Variants in DIAPH3 observed in about 807,000 individuals in gnomAD.
The protein encoded by DIAPH3 is protein diaphanous homolog 3.
A neutral mutation model predicts 144.3 loss-of-function variants in DIAPH3; 117 were observed. The ratio of observed to expected loss-of-function variants is 0.81; its 90% CI spans 0.70 to 0.95. The LOEUF is 0.95. DIAPH3 is among the 40% of genes least tolerant of loss of function. DIAPH3 has a pLI of 0.00. For synonymous variants in DIAPH3, 519 were observed against 488.9 expected (o/e 1.06, Z -0.81); for missense variants, 1,421 against 1,412.7 (o/e 1.01, Z -0.09).
Position 59,724,752 on chromosome 13 carries a change from T to C in DIAPH3, c.3319+49437A>G, listed in dbSNP as rs1275736012. Among the ~76,000 whole-genome samples, 4 of 152,214 alleles carry C rather than the reference T, an allele frequency of 2.6e-5. No individual in the cohort carries two copies. In the South Asian group the frequency reaches 8.3e-4, roughly 31 times the overall value. On this transcript the variant is annotated intron_variant, in intron 27 of 27. Transcript: ENST00000400324. The stretch of plus-strand genomic sequence containing the variant: ...TCACAGATAGTGAAAGAAATCGTTG[T>C]GAAAATTACACATAATAGAAATCAC...
chr13:59,974,399 CCT>C lies in DIAPH3; in HGVS notation c.1601_1602del (p.Glu534GlyfsTer4), dbSNP rs781515777. ...QETQAELQKK[E>X]AKINELQAEL... is the part of the protein sequence containing the mutation. ...TCTGCTTGAAGCTCATTAATCTTTG[CCT>C]CTTTTTTCTGCAATTCAGCCTGAGT... On this transcript the variant is annotated frameshift_variant, in exon 15 of 28. Coordinates refer to ENST00000400324, the MANE Select transcript of DIAPH3 (RefSeq NM_001042517.2). LOFTEE classifies it high-confidence loss of function. 1 of 1,611,750 alleles carries C rather than the reference CCT, an allele frequency of 6.2e-7. No homozygotes were observed. The highest frequency in any genetic ancestry group is 1.3e-5 in the African/African-American group (1 of 74,602).
intron 20 of DIAPH3, 98 bp from the exon 21 acceptor site, chr13:59,879,566 G>A: frequency 1.3e-6 from 2 of 1,499,272 alleles, no homozygotes; most frequent in Non-Finnish European, 1.8e-6. Context: ...TGGTATGACA[G>A]TACCAAAGAA....
At chr13:59,853,409 T>A (rs942532511) in intron 22 of DIAPH3, among the ~76,000 whole-genome samples, 1 of 152,142 alleles carries the variant, frequency 6.6e-6, no homozygotes, top group Admixed American at 6.6e-5. Context: ...TAGGAGGTGA[T>A]TGGATCATGG....
chr13:59,769,271 G>T (rs1213080781), intron 27 of DIAPH3, among the ~76,000 whole-genome samples: 2 of 152,126 alleles, frequency 1.3e-5, no homozygotes, highest in Non-Finnish European at 2.9e-5. Context: ...AGGTTACAAA[G>T]AAAACAATCA....
chr13:60,053,035 A>T (rs1249312175), intron 4 of DIAPH3, among the ~76,000 whole-genome samples: 1 of 150,864 alleles, frequency 6.6e-6, no homozygotes, highest in South Asian at 2.1e-4. Flanking sequence ...TTAAAGAAAT[A>T]GGAAATAGAC....
At chr13:60,083,889 A>G (rs2057649949) in intron 4 of DIAPH3, among the ~76,000 whole-genome samples, 1 of 150,768 alleles carries the variant, frequency 6.6e-6, no homozygotes, top group Non-Finnish European at 1.5e-5. Context: ...GTGACAGAGC[A>G]AGACCCTATG....
At chr13:59,823,893 G>A (rs1425991074) in intron 24 of DIAPH3, among the ~76,000 whole-genome samples, 1 of 152,090 alleles carries the variant, frequency 6.6e-6, no homozygotes, top group Admixed American at 6.6e-5. Context: ...ACTTTAGTCG[G>A]AGAATTCAGT....
At chr13:59,894,065 T>C (rs1482231929) in intron 20 of DIAPH3, among the ~76,000 whole-genome samples, 1 of 152,138 alleles carries the variant, frequency 6.6e-6, no homozygotes, top group African/African-American at 2.4e-5. Context: ...ATGCTTTATT[T>C]CAAGCCATTG....
chr13:59,695,327 GT>G (rs2033743219), intron 27 of DIAPH3: 1 of 152,220 alleles, frequency 6.6e-6, no homozygotes, highest in Non-Finnish European at 1.5e-5. Context: ...TGGAACTCAG[GT>G]GATGGCAAAA....
At chr13:60,068,490 CT>C (rs1227436567) in intron 4 of DIAPH3, among the ~76,000 whole-genome samples, 3 of 151,262 alleles carry the variant, frequency 2.0e-5, no homozygotes, top group South Asian at 2.1e-4. Flanking sequence ...TTTTCTTTGT[CT>C]TTTTTTTTAT....
intron 20 of DIAPH3, among the ~76,000 whole-genome samples, chr13:59,902,329 C>T (rs890391858): frequency 6.6e-6 from 1 of 151,998 alleles, no homozygotes; most frequent in Non-Finnish European, 1.5e-5. Flanking sequence ...GTTGCACCCC[C>T]CTCCCACCTT....
At chr13:59,787,402 C>T (rs1381213916) in intron 25 of DIAPH3, among the ~76,000 whole-genome samples, 1 of 151,896 alleles carries the variant, frequency 6.6e-6, no homozygotes, top group Non-Finnish European at 1.5e-5. Context: ...TAAGAAAATC[C>T]AAAAGTAATA....
Position 60,111,940 on chromosome 13 carries a change from G to A in DIAPH3, c.390+70C>T. 1.7e-5 allele frequency: 26 copies of A among 1,522,006 alleles called. 1 individual carries two copies. In the South Asian group the frequency reaches 2.8e-4, roughly 17 times the overall value. The allele number at this position is 1,522,006 out of a possible 1,614,324, so 94.3% of individuals were successfully genotyped here. Reference sequence around the variant, plus strand: ...GGAGTATGACTACCAAAAATGCTTAGAGTTCCATTAACATGAGCAAAAGCT... The same window carrying A: ...GGAGTATGACTACCAAAAATGCTTAAAGTTCCATTAACATGAGCAAAAGCT... On this transcript the variant is annotated intron_variant, in intron 3 of 27. Coordinates refer to ENST00000400324, the MANE Select transcript of DIAPH3 (RefSeq NM_001042517.2).
intron 27 of DIAPH3, among the ~76,000 whole-genome samples, chr13:59,706,973 T>G (rs910663282): frequency 2.0e-5 from 3 of 152,214 alleles, no homozygotes; most frequent in East Asian, 1.9e-4. Flanking sequence ...TTGGGTAGAA[T>G]TGACACATGC....
At chr13:59,998,785 A>G (rs1248092229) in intron 9 of DIAPH3, among the ~76,000 whole-genome samples, 1 of 152,122 alleles carries the variant, frequency 6.6e-6, no homozygotes, top group Non-Finnish European at 1.5e-5. Context: ...AACCCTATTC[A>G]TGCAAACCTC....
intron 18 of DIAPH3, among the ~76,000 whole-genome samples, chr13:59,918,527 T>G (rs2047348833): frequency 6.6e-6 from 1 of 152,088 alleles, no homozygotes; most frequent in Admixed American, 6.5e-5. Context: ...CACCCAGGAC[T>G]GCAACAACAT....
chr13:59,792,144 T>G (rs1477191204), intron 25 of DIAPH3, among the ~76,000 whole-genome samples: 1 of 152,186 alleles, frequency 6.6e-6, no homozygotes, highest in Non-Finnish European at 1.5e-5. Flanking sequence ...TGATCTCTGC[T>G]CACCCCTTCT....
chr13:59,920,533 C>T (rs967390834), intron 18 of DIAPH3, among the ~76,000 whole-genome samples: 2 of 150,948 alleles, frequency 1.3e-5, no homozygotes, highest in Admixed American at 6.6e-5. Context: ...CATGTGTGTG[C>T]GTGTATATAC....
At chr13:60,029,658 G>T (rs1219487885) in intron 5 of DIAPH3, among the ~76,000 whole-genome samples, 2 of 152,164 alleles carry the variant, frequency 1.3e-5, no homozygotes, top group East Asian at 1.9e-4. Flanking sequence ...TGCCATGATT[G>T]TAAGTTTCCT....
Sources: gnomAD v4.1 joint callset for allele counts (sites outside exome capture counted in the v4.1 genomes callset) on GRCh38, gnomAD v4.1.1 for gene constraint, MANE v1.5 for transcripts, NCBI Gene and HGNC (gene_info 2026-07-23, HGNC 2026-07-21) for gene names.